Variants in CUBN observed in about 807,000 individuals in gnomAD.
CUBN encodes the protein 460 kDa receptor.
In CUBN, 282 loss-of-function variants were observed where a neutral mutation model predicts 405.3. The ratio of observed to expected loss-of-function variants is 0.70; its 90% CI spans 0.63 to 0.77. CUBN has a LOEUF of 0.77. Among genes scored for constraint, CUBN ranks in the 30% least tolerant of loss-of-function variants. The probability of loss-of-function intolerance (pLI) is 0.00; values close to 1 mark genes in which losing one functional copy is unlikely to be tolerated. For synonymous variants in CUBN, 1,684 were observed against 1,617.0 expected, an observed-to-expected ratio of 1.04 and a Z score of -0.99; for missense variants, 4,514 against 4,475.2, an observed-to-expected ratio of 1.01 and a Z score of -0.25.
At chr10:16,945,893 G>A (rs1177558451) in intron 36 of CUBN, among the ~76,000 whole-genome samples, 1 of 151,806 alleles carries the variant, frequency 6.6e-6, no homozygotes, top group African/African-American at 2.4e-5. Flanking sequence ...ATACCCTGAA[G>A]AGGCTCTGTC....
At chr10:16,945,003 A>G (rs1842738599) in intron 36 of CUBN, among the ~76,000 whole-genome samples, 1 of 152,244 alleles carries the variant, frequency 6.6e-6, no homozygotes, top group African/African-American at 2.4e-5. Context: ...AAATTACTAT[A>G]AATTTGTTTA....
At chr10:16,856,009 C>T (rs1162442787) in intron 59 of CUBN, among the ~76,000 whole-genome samples, 3 of 152,078 alleles carry the variant, frequency 2.0e-5, no homozygotes, top group Non-Finnish European at 2.9e-5. Context: ...AGGGTTCTTT[C>T]CCAAAAGGAG....
chr10:16,920,784 A>G lies in CUBN; in HGVS notation c.6647-647T>C, dbSNP rs139815819. ...TTGGCATTTTCAACAAACAAACCAG[A>G]TAGGAGTAAAAGTACTTACAATGCC... On this transcript the variant is annotated intron_variant, in intron 43 of 66. Coordinates refer to ENST00000377833, the MANE Select transcript of CUBN (RefSeq NM_001081.4). Among the ~76,000 whole-genome samples the G allele has an allele frequency of 8.2e-3, 1,242 of 152,324 alleles. 13 individuals are homozygous for G. Among genetic ancestry groups the G allele is most frequent in the African/African-American group, 0.027 (1,143 of 41,568 alleles).
chr10:17,073,597 C>G (rs1438142431), intron 17 of CUBN, among the ~76,000 whole-genome samples: 1 of 152,100 alleles, frequency 6.6e-6, no homozygotes, highest in Non-Finnish European at 1.5e-5. Flanking sequence ...CAGGCATGTG[C>G]CACCACGCCC....
intron 59 of CUBN, 43 bp from the exon 60 acceptor site, chr10:16,851,486 C>T: frequency 4.5e-6 from 7 of 1,546,428 alleles, no homozygotes; most frequent in Admixed American, 1.7e-5. Context: ...CAAACAGAAC[C>T]GACCTTACAT....
chr10:16,879,451 G>A (rs1444482991), intron 56 of CUBN, among the ~76,000 whole-genome samples: 2 of 152,158 alleles, frequency 1.3e-5, no homozygotes, highest in East Asian at 3.8e-4. Context: ...ACTTACAAAT[G>A]CCCCATTGGG....
rs748056643 is a variant in CUBN, at chr10:17,071,935, C to T, written c.2338G>A (p.Gly780Ser). The change falls in exon 18 of 67, where the codon GGC (glycine) becomes AGC (serine). Residue 780 changes from glycine to serine, a missense_variant. This residue lies in a region of CUBN where 1,448 missense variants were observed against 1,388.0 expected (regional missense o/e 1.04). Coordinates refer to ENST00000377833, the MANE Select transcript of CUBN (RefSeq NM_001081.4). ...TTAATGTGAGAGATGGTTCCGTTGC[C>T]ACAGACTTTTCCAAGTAAGGTTTCA... Reference protein sequence around the residue: ...DGETLLGKVCGNGTISHIKSI... With the variant: ...DGETLLGKVCSNGTISHIKSI... 6.2e-7 allele frequency: 1 copy of T among 1,613,014 alleles called. No individual in the cohort carries two copies. The highest frequency in any genetic ancestry group is 2.2e-5 in the East Asian group (1 of 44,832).
intron 4 of CUBN, among the ~76,000 whole-genome samples, chr10:17,124,806 T>G (rs1352907012): frequency 1.3e-5 from 2 of 151,982 alleles, no homozygotes; most frequent in African/African-American, 4.8e-5. Context: ...TCCAATTGTC[T>G]GGGTTTTGGT....
At chr10:16,880,239 T>C (rs1840629082) in intron 56 of CUBN, among the ~76,000 whole-genome samples, 1 of 152,198 alleles carries the variant, frequency 6.6e-6, no homozygotes, top group Non-Finnish European at 1.5e-5. Flanking sequence ...TCACTGTTGC[T>C]ATTGTTTATA....
chr10:17,010,370 G>C (rs1834147927), intron 28 of CUBN, among the ~76,000 whole-genome samples: 1 of 152,168 alleles, frequency 6.6e-6, no homozygotes. Context: ...GCCAGGTGCA[G>C]TGGCTCACAC....
chr10:16,939,030 A>G lies in CUBN; in HGVS notation c.5666T>C (p.Val1889Ala). 1 of 1,613,904 alleles carries G rather than the reference A, an allele frequency of 6.2e-7. No homozygotes were observed. The highest frequency in any genetic ancestry group is 8.5e-7 in the Non-Finnish European group (1 of 1,179,780). Reference protein sequence around the residue: ...QWTVNVNASHVVHGRILEMDI... With the variant: ...QWTVNVNASHAVHGRILEMDI... Reference sequence around the variant, plus strand: ...CATCTCCAAGATTCTACCATGGACAACGTGAGATGCATTCACATTTACTGT... The same window carrying G: ...CATCTCCAAGATTCTACCATGGACAGCGTGAGATGCATTCACATTTACTGT... The change falls in exon 38 of 67, where the codon GTT becomes GCT. Residue 1889 changes from valine to alanine, a missense_variant. By Grantham distance (64) the Val-to-Ala change is moderately conservative. Coordinates refer to ENST00000377833, the MANE Select transcript of CUBN (RefSeq NM_001081.4).
At chr10:16,868,795 A>C (rs1217139075) in intron 59 of CUBN, among the ~76,000 whole-genome samples, 4 of 152,098 alleles carry the variant, frequency 2.6e-5, no homozygotes, top group Admixed American at 6.6e-5. Context: ...TCTCCAGTCC[A>C]AATTCCTTCT....
chr10:17,083,069 ATAATT>A (rs933400434), intron 17 of CUBN, among the ~76,000 whole-genome samples: 1 of 152,146 alleles, frequency 6.6e-6, no homozygotes, highest in African/African-American at 2.4e-5. Context: ...AAAAGGGTTA[ATAATT>A]TAATTTTGAT....
chr10:16,981,178 G>GACACATACACACAC (rs1554804632), intron 31 of CUBN, among the ~76,000 whole-genome samples: 6 of 145,244 alleles, frequency 4.1e-5, no homozygotes, highest in African/African-American at 1.5e-4. Flanking sequence ...AGACTCAGCA[G>GACACATACACACAC]ACACACACAC....
intron 22 of CUBN, among the ~76,000 whole-genome samples, chr10:17,048,840 A>T (rs7910499): frequency 0.85 from 129,155 of 152,152 alleles, 54,928 homozygotes; most frequent in Non-Finnish European, 0.87. Flanking sequence ...ATAATCCCCA[A>T]GCTCAGAAAA....
At chr10:16,902,255 TA>T (rs1181640220) in intron 51 of CUBN, among the ~76,000 whole-genome samples, 1 of 138,718 alleles carries the variant, frequency 7.2e-6, no homozygotes, top group Non-Finnish European at 1.5e-5. Flanking sequence ...TATTTGTATA[TA>T]TAGTATATAT....
chr10:17,116,668 C>T (rs1047951579), intron 6 of CUBN, among the ~76,000 whole-genome samples: 3 of 152,150 alleles, frequency 2.0e-5, no homozygotes, highest in Non-Finnish European at 4.4e-5. Context: ...AATGTATGAA[C>T]GACATTGTGG....
intron 17 of CUBN, 68 bp from the exon 18 acceptor site, chr10:17,072,039 C>G: frequency 7.9e-7 from 1 of 1,264,602 alleles, no homozygotes; most frequent in Non-Finnish European, 1.1e-6. Context: ...GGTGGCGTTA[C>G]TTGGAGATGA....
intron 28 of CUBN, among the ~76,000 whole-genome samples, chr10:17,000,642 A>G (rs1199037782): frequency 6.6e-6 from 1 of 152,108 alleles, no homozygotes; most frequent in Non-Finnish European, 1.5e-5. Flanking sequence ...TTTTTTTGCA[A>G]TGAAAAGCTG....
Sources: allele counts gnomAD v4.1 joint callset (sites outside exome capture counted in the v4.1 genomes callset), GRCh38; gene constraint gnomAD v4.1.1; regional missense constraint gnomAD v4.1.1; transcripts MANE v1.5; gene names NCBI Gene and HGNC (gene_info 2026-07-23, HGNC 2026-07-21).